Variants in SWAP70 observed in about 807,000 individuals in gnomAD.
SWAP70 encodes switching B cell complex subunit SWAP70, also known as switch-associated protein 70.
SWAP70 carries 34 observed loss-of-function variants against 80.2 expected under a neutral mutation model. That is an observed-to-expected ratio of 0.42 (90% CI 0.32 to 0.56). The LOEUF is 0.56. Among genes scored for constraint, SWAP70 ranks in the 20% least tolerant of loss-of-function variants. The pLI is 0.09. For missense variants in SWAP70, 578 were observed against 690.7 expected (o/e 0.84, Z 1.83); for synonymous variants, 239 against 238.5 (o/e 1.00, Z -0.02).
intron 1 of SWAP70, among the ~76,000 whole-genome samples, chr11:9,672,195 C>CTATGTATATG (rs530619499): frequency 3.8e-5 from 3 of 78,438 alleles, no homozygotes; most frequent in African/African-American, 1.5e-4. Flanking sequence ...ATGTGTGTGT[C>CTATGTATATG]TATATATATA....
intron 3 of SWAP70, among the ~76,000 whole-genome samples, chr11:9,724,226 G>A (rs1476757941): frequency 2.0e-5 from 3 of 152,190 alleles, no homozygotes; most frequent in Non-Finnish European, 2.9e-5. Flanking sequence ...TAAATAATTG[G>A]CTTATGTGGA....
At chr11:9,693,218 C>G (rs1850716461) in intron 1 of SWAP70, among the ~76,000 whole-genome samples, 1 of 152,122 alleles carries the variant, frequency 6.6e-6, no homozygotes, top group African/African-American at 2.4e-5. Context: ...AAAATACAGC[C>G]TTAGCTATGT....
intron 3 of SWAP70, chr11:9,720,425 G>A (rs1473621392): frequency 1.0e-6 from 1 of 985,336 alleles, no homozygotes; most frequent in Non-Finnish European, 1.2e-6. Context: ...AACATAACAA[G>A]TCATCTGATT....
intron 1 of SWAP70, among the ~76,000 whole-genome samples, chr11:9,669,239 A>G (rs1850344935): frequency 2.6e-5 from 4 of 152,170 alleles, no homozygotes; most frequent in African/African-American, 7.2e-5. Context: ...AGCCCATTCT[A>G]TTAATTAATT....
intron 8 of SWAP70, 53 bp downstream of exon 8, chr11:9,738,373 T>C: frequency 7.3e-7 from 1 of 1,378,666 alleles, no homozygotes; most frequent in Non-Finnish European, 9.9e-7. Context: ...CCTGGGTCGG[T>C]GGGAACAGGG....
rs542824324 is a variant in SWAP70 at position 9,712,532 on chromosome 11, T to C, written c.241-934T>C. Among the ~76,000 whole-genome samples, 40 of 133,290 alleles carry C rather than the reference T, an allele frequency of 3.0e-4. No individual in the cohort carries two copies. In the South Asian group the frequency reaches 8.0e-3, roughly 27 times the overall value. 87.4% of individuals were successfully genotyped at this position (133,290 alleles called of 152,430 possible). A position where few individuals can be genotyped will look rare whatever the true frequency, so the allele number is the denominator to read the frequency against. On this transcript the variant is annotated intron_variant, in intron 2 of 11. Transcript: ENST00000318950. ...AATATAGCAAGACCTCATCTCTATT[T>C]ATTTTTTAAATTAATTAAACAATGT...
chr11:9,713,409 C>T (rs991312092), intron 2 of SWAP70, 57 bp from the exon 3 acceptor site: 13 of 1,521,830 alleles, frequency 8.5e-6, no homozygotes, highest in African/African-American at 5.6e-5. Context: ...TTTTACTTGC[C>T]TTAGATACTG....
chr11:9,737,114 C>T lies in SWAP70; in HGVS notation c.1081-1099C>T, dbSNP rs531563845. Among the ~76,000 whole-genome samples the T allele has an allele frequency of 5.9e-5, 9 of 152,354 alleles. 1 individual carries two copies. In the South Asian group the frequency reaches 1.9e-3, roughly 32 times the overall value. On this transcript the variant is annotated intron_variant, in intron 7 of 11. Coordinates refer to ENST00000318950, the MANE Select transcript of SWAP70 (RefSeq NM_015055.4). ...TGTGTTGTTCTCATGGAGCTTCTGG[C>T]CTCCTCTTAATTCTCAGCCACTCTT...
chr11:9,699,890 AGTCTC>A (rs1850810202), intron 2 of SWAP70, among the ~76,000 whole-genome samples: 2 of 146,894 alleles, frequency 1.4e-5, no homozygotes, highest in African/African-American at 5.0e-5. Context: ...ATATATATAT[AGTCTC>A]TAGATACAGA....
In SWAP70 at chr11:9,664,110, T is replaced by G; in HGVS notation, c.-70T>G. 2 of 1,426,682 alleles carry G rather than the reference T, an allele frequency of 1.4e-6. No individual in the cohort carries two copies. Among genetic ancestry groups the G allele is most frequent in the Non-Finnish European group, 1.9e-6 (2 of 1,065,966 alleles). 88.4% of individuals were successfully genotyped at this position (1,426,682 alleles called of 1,614,324 possible). ...GCGCGGCGGGCTGTGGCTGCGGAGGTTGAGGGGCGTCCGAGGCGCGGAGGG... is the reference window on the plus strand; with the variant it reads ...GCGCGGCGGGCTGTGGCTGCGGAGGGTGAGGGGCGTCCGAGGCGCGGAGGG... On this transcript the variant is annotated 5_prime_UTR_variant, in exon 1 of 12. Coordinates refer to ENST00000318950, the MANE Select transcript of SWAP70 (RefSeq NM_015055.4).
chr11:9,690,130 C>T (rs1850678388), intron 1 of SWAP70, among the ~76,000 whole-genome samples: 1 of 152,138 alleles, frequency 6.6e-6, no homozygotes, highest in South Asian at 2.1e-4. Context: ...AATATCTATT[C>T]TCCCTGTGGA....
At chr11:9,694,030 C>A in intron 1 of SWAP70, 116 bp from the exon 2 acceptor site, 1 of 1,306,074 alleles carries the variant, frequency 7.7e-7, no homozygotes, top group Non-Finnish European at 1.0e-6. Context: ...CCTGTTTTTG[C>A]TAGTTTATTT....
intron 2 of SWAP70, among the ~76,000 whole-genome samples, chr11:9,699,225 C>G (rs569161830): frequency 6.6e-6 from 1 of 152,040 alleles, no homozygotes; most frequent in Admixed American, 6.6e-5. Context: ...TGAAAATATT[C>G]TAGAATTAAC....
intron 5 of SWAP70, among the ~76,000 whole-genome samples, chr11:9,728,876 C>T (rs1206390808): frequency 2.0e-5 from 3 of 152,056 alleles, no homozygotes; most frequent in African/African-American, 7.2e-5. Context: ...ACAAGGTTAC[C>T]AAAGGCCAGT....
Position 9,748,024 on chromosome 11 carries a change from T to A in SWAP70, c.1522T>A (p.Leu508Ile). 6.2e-7 allele frequency: 1 copy of A among 1,614,034 alleles called. No individual in the cohort carries two copies. Among genetic ancestry groups the A allele is most frequent in the Non-Finnish European group, 8.5e-7 (1 of 1,179,954 alleles). The change falls in exon 10 of 12, where the codon TTA becomes ATA. Residue 508 changes from leucine to isoleucine, a missense_variant. Transcript: ENST00000318950. ...CATGGAGCAGCTGGAGCAGCTTGAG[T>A]TAGAACGGAAGCAAGCACTTGAGCA... is the stretch of plus-strand genomic sequence containing the variant. ...EAMEQLEQLE[L>I]ERKQALEQYE...
chr11:9,688,080 AC>A (rs1850654238), intron 1 of SWAP70, among the ~76,000 whole-genome samples: 1 of 142,854 alleles, frequency 7.0e-6, no homozygotes, highest in African/African-American at 2.5e-5. Context: ...GTCTCAGGCC[AC>A]AGTCTTTTTA....
intron 2 of SWAP70, among the ~76,000 whole-genome samples, chr11:9,709,631 A>G (rs1850969564): frequency 1.3e-5 from 2 of 152,060 alleles, no homozygotes; most frequent in Admixed American, 1.3e-4. Flanking sequence ...AGGACCACAG[A>G]TGCATGCCAC....
At chr11:9,707,934 A>T (rs183310044) in intron 2 of SWAP70, among the ~76,000 whole-genome samples, 2 of 152,274 alleles carry the variant, frequency 1.3e-5, no homozygotes, top group East Asian at 3.8e-4. Context: ...TTTTTTTGTT[A>T]TATAGATAAG....
intron 7 of SWAP70, 65 bp from the exon 8 acceptor site, chr11:9,738,147 TC>T: frequency 9.1e-7 from 1 of 1,095,750 alleles, no homozygotes; most frequent in Non-Finnish European, 1.3e-6. Context: ...TATGACTGTC[TC>T]TCTCTCTTTA....
Sources: gnomAD v4.1 joint callset for allele counts (sites outside exome capture counted in the v4.1 genomes callset) on GRCh38, gnomAD v4.1.1 for gene constraint, MANE v1.5 for transcripts, NCBI Gene and HGNC (gene_info 2026-07-23, HGNC 2026-07-21) for gene names.